RIT2: variants seen among roughly 807,000 people sequenced by gnomAD.
The protein encoded by RIT2 is GTP-binding protein Rit2.
Under a neutral mutation model 23.7 loss-of-function variants are expected in RIT2, and 24 were observed. The ratio of observed to expected loss-of-function variants is 1.01; its 90% confidence interval spans 0.73 to 1.43. The LOEUF (loss-of-function observed/expected upper bound fraction) is 1.43, where lower values mean the gene tolerates loss of function less well. RIT2 is among the 40% of genes most tolerant of loss of function. RIT2 has a pLI of 0.00. For missense variants in RIT2, 236 were observed against 266.9 expected (o/e 0.88, Z 0.81); for synonymous variants, 107 against 91.1 (o/e 1.17, Z -0.99).
chr18:42,799,070 C>A (rs1905454158), intron 4 of RIT2, among the ~76,000 whole-genome samples: 1 of 152,164 alleles, frequency 6.6e-6, no homozygotes, highest in South Asian at 2.1e-4. Flanking sequence ...ATATTAACTT[C>A]AGCAGTTATC....
chr18:43,022,520 G>T (rs1394495810), intron 2 of RIT2, among the ~76,000 whole-genome samples: 1 of 152,000 alleles, frequency 6.6e-6, no homozygotes, highest in Non-Finnish European at 1.5e-5. Flanking sequence ...ACTGTCATTT[G>T]ACCATAACAT....
intron 4 of RIT2, among the ~76,000 whole-genome samples, chr18:42,755,559 C>G (rs1179703309): frequency 6.6e-6 from 1 of 152,140 alleles, no homozygotes; most frequent in Non-Finnish European, 1.5e-5. Flanking sequence ...CACTTAATTA[C>G]TATCTGAATT....
chr18:42,897,519 A>G (rs1908362970), intron 4 of RIT2, among the ~76,000 whole-genome samples: 1 of 152,160 alleles, frequency 6.6e-6, no homozygotes, highest in African/African-American at 2.4e-5. Flanking sequence ...CAAAGGGAGC[A>G]AAAAGTTGAT....
At chr18:43,063,798 T>C (rs562287414) in intron 1 of RIT2, among the ~76,000 whole-genome samples, 1 of 152,156 alleles carries the variant, frequency 6.6e-6, no homozygotes, top group African/African-American at 2.4e-5. Flanking sequence ...TAACCAGGCA[T>C]GTTATGTCAG....
At chr18:43,032,714 A>G (rs1290210581) in intron 2 of RIT2, among the ~76,000 whole-genome samples, 1 of 152,090 alleles carries the variant, frequency 6.6e-6, no homozygotes, top group East Asian at 1.9e-4. Flanking sequence ...TATCTAATCG[A>G]TTTACTTCAA....
At chr18:42,902,685 A>G (rs181918981) in intron 4 of RIT2, among the ~76,000 whole-genome samples, 1 of 151,906 alleles carries the variant, frequency 6.6e-6, no homozygotes, top group Admixed American at 6.6e-5. Context: ...AAAAAAATAA[A>G]TATGTTTGTG....
chr18:42,886,487 C>T (rs1201664116), intron 4 of RIT2, among the ~76,000 whole-genome samples: 1 of 152,084 alleles, frequency 6.6e-6, no homozygotes, highest in African/African-American at 2.4e-5. Flanking sequence ...AGAGAGATTC[C>T]AGTGCTAGGT....
intron 4 of RIT2, among the ~76,000 whole-genome samples, chr18:42,750,500 G>A (rs2143882022): frequency 6.6e-6 from 1 of 151,796 alleles, no homozygotes; most frequent in African/African-American, 2.4e-5. Context: ...CTTTGAATTT[G>A]GGGCATAATT....
At chr18:43,023,340 C>A (rs1911639571) in intron 2 of RIT2, among the ~76,000 whole-genome samples, 1 of 151,998 alleles carries the variant, frequency 6.6e-6, no homozygotes. Flanking sequence ...AATAAATTGA[C>A]ATTATGGTTG....
intron 1 of RIT2, among the ~76,000 whole-genome samples, chr18:43,055,750 G>T (rs1427403993): frequency 2.0e-5 from 3 of 152,002 alleles, no homozygotes; most frequent in Admixed American, 1.3e-4. Context: ...TGGAAGACTG[G>T]TTATGAGGTT....
At chr18:42,978,933 C>T (rs1046903066) in intron 2 of RIT2, among the ~76,000 whole-genome samples, 1 of 152,018 alleles carries the variant, frequency 6.6e-6, no homozygotes, top group Non-Finnish European at 1.5e-5. Flanking sequence ...AAAAGTAGCA[C>T]ATAAGACAGT....
At chr18:43,090,610 T>G (rs956292129) in intron 1 of RIT2, among the ~76,000 whole-genome samples, 4 of 151,778 alleles carry the variant, frequency 2.6e-5, no homozygotes, top group African/African-American at 9.7e-5. Flanking sequence ...CAAAAACATA[T>G]CAATCTAAAT....
At chr18:42,765,550 T>C (rs777939426) in intron 4 of RIT2, among the ~76,000 whole-genome samples, 1 of 152,150 alleles carries the variant, frequency 6.6e-6, no homozygotes, top group Non-Finnish European at 1.5e-5. Context: ...TCTGCTAAGG[T>C]CAGCCCTCAC....
At chr18:42,931,570 T>C (rs1481405904) in intron 3 of RIT2, among the ~76,000 whole-genome samples, 1 of 152,196 alleles carries the variant, frequency 6.6e-6, no homozygotes. Flanking sequence ...CTCTTTCTAT[T>C]TGACTTGTAT....
intron 2 of RIT2, among the ~76,000 whole-genome samples, chr18:42,976,909 G>A (rs1910489427): frequency 6.6e-6 from 1 of 151,920 alleles, no homozygotes; most frequent in South Asian, 2.1e-4. Flanking sequence ...TTTGCAAGAT[G>A]TTTAGAAGGT....
In RIT2 at chr18:42,893,225, C is replaced by CA. The variant is rs57140473; in HGVS notation, c.426+30346dup. Among the ~76,000 whole-genome samples, 145 of 112,270 alleles carry CA rather than the reference C, an allele frequency of 1.3e-3. 1 individual carries two copies. The highest frequency in any genetic ancestry group is 8.1e-3 in the South Asian group (27 of 3,314). The allele number at this position is 112,270 out of a possible 152,430, so 73.7% of individuals were successfully genotyped here. ...TGGGAAACAGAGCGAGACTCCGTCT[C>CA]AAAAAAAAAAAAAAAAAAAGCTAAC... On this transcript the variant is annotated intron_variant, in intron 4 of 4. Transcript: ENST00000326695.
chr18:43,054,637 C>T (rs1362362011), intron 1 of RIT2, among the ~76,000 whole-genome samples: 2 of 152,058 alleles, frequency 1.3e-5, no homozygotes, highest in Admixed American at 6.6e-5. Flanking sequence ...TCCTTATATG[C>T]TGTTTCATGC....
At chr18:42,807,542 G>C (rs578151087) in intron 4 of RIT2, among the ~76,000 whole-genome samples, 5 of 152,204 alleles carry the variant, frequency 3.3e-5, no homozygotes, top group African/African-American at 1.2e-4. Flanking sequence ...GCTTGAACCC[G>C]GGAAGCAGAG....
intron 4 of RIT2, among the ~76,000 whole-genome samples, chr18:42,898,058 C>T (rs953636537): frequency 6.6e-6 from 1 of 152,126 alleles, no homozygotes; most frequent in African/African-American, 2.4e-5. Flanking sequence ...GGCTAGGGTT[C>T]AGATTCTGTC....
Sources: allele counts gnomAD v4.1 joint callset (sites outside exome capture counted in the v4.1 genomes callset), GRCh38; gene constraint gnomAD v4.1.1; transcripts MANE v1.5; gene names NCBI Gene and HGNC (gene_info 2026-07-23, HGNC 2026-07-21).